Variants in KCNIP1 observed in about 807,000 individuals in gnomAD.
KCNIP1 encodes A-type potassium channel modulatory protein KCNIP1.
A neutral mutation model predicts 33.0 loss-of-function variants in KCNIP1; 18 were observed. The observed-to-expected ratio is 0.55, with a 90% CI of 0.38 to 0.81. KCNIP1 has a LOEUF of 0.81. Among genes scored for constraint, KCNIP1 ranks in the 30% least tolerant of loss-of-function variants. KCNIP1 has a pLI of 0.00. For synonymous variants in KCNIP1, 93 were observed against 98.3 expected, an observed-to-expected ratio of 0.95 and a Z score of 0.32; for missense variants, 238 against 271.6, an observed-to-expected ratio of 0.88 and a Z score of 0.87.
At chr5:170,437,165 T>C (rs1323190599) in intron 1 of KCNIP1, among the ~76,000 whole-genome samples, 1 of 152,216 alleles carries the variant, frequency 6.6e-6, no homozygotes, top group Non-Finnish European at 1.5e-5. Flanking sequence ...CTTCTCTGCG[T>C]CTCTGCATCT....
intron 1 of KCNIP1, among the ~76,000 whole-genome samples, chr5:170,583,057 G>A (rs1382748254): frequency 2.0e-5 from 3 of 152,232 alleles, no homozygotes; most frequent in East Asian, 1.9e-4. Flanking sequence ...CTGAATCTGT[G>A]GGTGGGAGGG....
intron 1 of KCNIP1, among the ~76,000 whole-genome samples, chr5:170,717,081 A>C (rs1763666578): frequency 2.0e-5 from 3 of 152,232 alleles, no homozygotes; most frequent in Non-Finnish European, 4.4e-5. Context: ...TTTCTTGTGA[A>C]TATATGCACA....
At chr5:170,390,437 C>T (rs1247719492) in intron 1 of KCNIP1, among the ~76,000 whole-genome samples, 2 of 146,856 alleles carry the variant, frequency 1.4e-5, no homozygotes, top group African/African-American at 2.6e-5. Context: ...ACCTGGGAGG[C>T]GGAGGTTGCA....
At chr5:170,385,531 A>G in intron 1 of KCNIP1, 2 of 1,499,176 alleles carry the variant, frequency 1.3e-6, no homozygotes, top group Non-Finnish European at 9.3e-7. Context: ...ATCCACAGAA[A>G]GAGAGGACAG....
At chr5:170,606,197 C>G (rs1271852852) in intron 1 of KCNIP1, among the ~76,000 whole-genome samples, 1 of 152,206 alleles carries the variant, frequency 6.6e-6, no homozygotes, top group Non-Finnish European at 1.5e-5. Flanking sequence ...AATCATGCTG[C>G]TATAAATATT....
At chr5:170,577,581 C>A (rs1226594784) in intron 1 of KCNIP1, among the ~76,000 whole-genome samples, 1 of 152,154 alleles carries the variant, frequency 6.6e-6, no homozygotes, top group Non-Finnish European at 1.5e-5. Flanking sequence ...ATAATGTTTT[C>A]ATTTGATTAA....
chr5:170,627,759 C>T (rs980099091), intron 1 of KCNIP1, among the ~76,000 whole-genome samples: 1 of 152,180 alleles, frequency 6.6e-6, no homozygotes, highest in Non-Finnish European at 1.5e-5. Context: ...GGTGGGAGTC[C>T]CCATCTACCC....
intron 1 of KCNIP1, among the ~76,000 whole-genome samples, chr5:170,478,280 T>C (rs913194794): frequency 6.6e-6 from 1 of 152,254 alleles, no homozygotes; most frequent in African/African-American, 2.4e-5. Flanking sequence ...TACATGATTA[T>C]CATAAAGTTT....
At chr5:170,372,032 C>T (rs1763859404) in intron 1 of KCNIP1, among the ~76,000 whole-genome samples, 1 of 152,140 alleles carries the variant, frequency 6.6e-6, no homozygotes, top group Non-Finnish European at 1.5e-5. Flanking sequence ...AGAACTCAGT[C>T]CCACAAGACT....
intron 1 of KCNIP1, among the ~76,000 whole-genome samples, chr5:170,462,907 G>A (rs908054962): frequency 2.0e-5 from 3 of 152,116 alleles, no homozygotes; most frequent in Non-Finnish European, 4.4e-5. Flanking sequence ...TTCATAAGTG[G>A]GAGCTAAACT....
intron 1 of KCNIP1, among the ~76,000 whole-genome samples, chr5:170,596,486 A>G (rs1199641130): frequency 6.6e-6 from 1 of 152,184 alleles, no homozygotes; most frequent in African/African-American, 2.4e-5. Flanking sequence ...GTATCCATGA[A>G]TCAGGACTCT....
At chr5:170,367,421 G>GGAAAGAAAGAAA (rs879277915) in intron 1 of KCNIP1, among the ~76,000 whole-genome samples, 22 of 74,726 alleles carry the variant, frequency 2.9e-4, no homozygotes, top group African/African-American at 9.9e-4. Context: ...AAGAAAGAAA[G>GGAAAGAAAGAAA]GAAAGAAAGA....
At chr5:170,380,175 G>A (rs913683300) in intron 1 of KCNIP1, among the ~76,000 whole-genome samples, 2 of 152,170 alleles carry the variant, frequency 1.3e-5, no homozygotes, top group Non-Finnish European at 2.9e-5. Flanking sequence ...CTGTTCAGAT[G>A]AGGCCAGCTG....
intron 1 of KCNIP1, among the ~76,000 whole-genome samples, chr5:170,693,359 A>C (rs1762787811): frequency 6.6e-6 from 1 of 152,178 alleles, no homozygotes; most frequent in Non-Finnish European, 1.5e-5. Context: ...CTCACACAGG[A>C]ATAGATGGGA....
chr5:170,685,055 T>C (rs763075606), intron 1 of KCNIP1, among the ~76,000 whole-genome samples: 2 of 152,076 alleles, frequency 1.3e-5, no homozygotes, highest in Non-Finnish European at 2.9e-5. Flanking sequence ...ACATACCTCC[T>C]TCAAGGTAAA....
chr5:170,442,610 C>G (rs1413729155), intron 1 of KCNIP1, among the ~76,000 whole-genome samples: 1 of 151,886 alleles, frequency 6.6e-6, no homozygotes, highest in African/African-American at 2.4e-5. Flanking sequence ...GACACTAGGT[C>G]ACTACACTCA....
intron 1 of KCNIP1, among the ~76,000 whole-genome samples, chr5:170,367,421 G>GAAAGAAAGGAAA (rs1554086776): frequency 1.1e-3 from 81 of 74,692 alleles, no homozygotes; most frequent in African/African-American, 3.7e-3. Context: ...AAGAAAGAAA[G>GAAAGAAAGGAAA]GAAAGAAAGA....
chr5:170,674,412 A>G (rs185126030), intron 1 of KCNIP1, among the ~76,000 whole-genome samples: 2 of 152,306 alleles, frequency 1.3e-5, no homozygotes, highest in East Asian at 3.9e-4. Flanking sequence ...CATTTTGTTC[A>G]AAGCAACAAA....
intron 1 of KCNIP1, among the ~76,000 whole-genome samples, chr5:170,523,257 T>A (rs899020354): frequency 2.0e-5 from 3 of 152,180 alleles, no homozygotes; most frequent in African/African-American, 7.2e-5. Context: ...GCACTCCTGA[T>A]CTTGCGTGCT....
Sources: gnomAD v4.1 joint callset for allele counts (sites outside exome capture counted in the v4.1 genomes callset) on GRCh38, gnomAD v4.1.1 for gene constraint, MANE v1.5 for transcripts, NCBI Gene and HGNC (gene_info 2026-07-23, HGNC 2026-07-21) for gene names.